SEMA6A: variants seen among roughly 807,000 people sequenced by gnomAD.
The protein encoded by SEMA6A is semaphorin-6A.
A neutral mutation model predicts 96.8 loss-of-function variants in SEMA6A; 25 were observed. That is an observed-to-expected ratio of 0.26 (90% CI 0.19 to 0.36). SEMA6A has a LOEUF of 0.36. Among genes scored for constraint, SEMA6A ranks in the 10% least tolerant of loss-of-function variants. The probability of loss-of-function intolerance (pLI) is 1.00; values close to 1 mark genes in which losing one functional copy is unlikely to be tolerated. For missense variants in SEMA6A, 1,363 were observed against 1,323.1 expected (o/e 1.03, Z -0.47); for synonymous variants, 612 against 518.0 (o/e 1.18, Z -2.46).
chr5:116,559,280 G>T (rs574612339), intron 1 of SEMA6A, among the ~76,000 whole-genome samples: 48 of 152,262 alleles, frequency 3.2e-4, no homozygotes, highest in Admixed American at 1.5e-3. Flanking sequence ...TGGAAGCTTG[G>T]GGGGATGAAT....
chr5:116,574,425 G>C lies in SEMA6A; in HGVS notation c.-279C>G, dbSNP rs1286579969. 6.6e-6 allele frequency: 1 copy of C among 151,082 alleles called. No individual in the cohort carries two copies. Among genetic ancestry groups the C allele is most frequent in the Non-Finnish European group, 1.5e-5 (1 of 67,724 alleles). 9.4% of individuals were successfully genotyped at this position (151,082 alleles called of 1,614,324 possible). A position where few individuals can be genotyped will look rare whatever the true frequency, so the allele number is the denominator to read the frequency against. The stretch of plus-strand genomic sequence containing the variant: ...CCAATGACGAGCGGAGAAGGGGAGA[G>C]GAAAAAAGAAGCCAAAAAAAAAAAG... On this transcript the variant is annotated 5_prime_UTR_variant, in exon 1 of 19. Coordinates refer to ENST00000343348, the MANE Select transcript of SEMA6A (RefSeq NM_020796.5).
intron 18 of SEMA6A, among the ~76,000 whole-genome samples, chr5:116,463,647 T>A (rs1329100794): frequency 1.3e-5 from 2 of 152,234 alleles, no homozygotes; most frequent in African/African-American, 4.8e-5. Flanking sequence ...AATGTGCATA[T>A]TTTCTGGACT....
At chr5:116,478,927 A>AGTGTGTGT (rs1312532391) in intron 12 of SEMA6A, among the ~76,000 whole-genome samples, 2 of 90,102 alleles carry the variant, frequency 2.2e-5, no homozygotes, top group South Asian at 3.4e-4. Flanking sequence ...GAGGTGTGAG[A>AGTGTGTGT]GAGTGTGTGT....
intron 1 of SEMA6A, among the ~76,000 whole-genome samples, chr5:116,539,244 A>G (rs1178656759): frequency 6.6e-6 from 1 of 152,118 alleles, no homozygotes; most frequent in Non-Finnish European, 1.5e-5. Context: ...CCTGCTTCCT[A>G]AAGTTGGAGG....
intron 17 of SEMA6A, among the ~76,000 whole-genome samples, chr5:116,469,998 G>C (rs1756015739): frequency 6.6e-6 from 1 of 152,098 alleles, no homozygotes; most frequent in Non-Finnish European, 1.5e-5. Context: ...CTGATTTACT[G>C]GAAAGAAAAA....
At chr5:116,520,640 T>C (rs1288615270) in intron 1 of SEMA6A, among the ~76,000 whole-genome samples, 1 of 152,154 alleles carries the variant, frequency 6.6e-6, no homozygotes, top group Non-Finnish European at 1.5e-5. Flanking sequence ...AAAGATGATT[T>C]CTGCTCAAAA....
chr5:116,527,203 CAAGTT>C (rs1267452443), intron 1 of SEMA6A, among the ~76,000 whole-genome samples: 2 of 151,942 alleles, frequency 1.3e-5, no homozygotes, highest in Non-Finnish European at 2.9e-5. Flanking sequence ...AATTCAAACA[CAAGTT>C]AATTCTTCAC....
intron 18 of SEMA6A, among the ~76,000 whole-genome samples, chr5:116,457,242 A>G (rs1755071322): frequency 6.6e-6 from 1 of 152,226 alleles, no homozygotes; most frequent in South Asian, 2.1e-4. Flanking sequence ...GATTGTGTCC[A>G]GTGCTATCTA....
At position 116,536,866 on chromosome 5, in the gene SEMA6A, TAAAAAAAA is replaced by T. The variant is rs72214884; in HGVS notation, c.-38-31892_-38-31885del. Reference sequence around the variant, plus strand: ...TTTATTCAGTCCCCGTGTGATTTCTTAAAAAAAAAAAAAAAAAAAAAAAAAAAAGCAAA... The same window carrying T: ...TTTATTCAGTCCCCGTGTGATTTCTTAAAAAAAAAAAAAAAAAAAAGCAAA... On this transcript the variant is annotated intron_variant, in intron 1 of 18. Coordinates refer to ENST00000343348, the MANE Select transcript of SEMA6A (RefSeq NM_020796.5). Among the ~76,000 whole-genome samples, 71 of 69,522 alleles carry T rather than the reference TAAAAAAAA, an allele frequency of 1.0e-3. 1 individual carries two copies. Among genetic ancestry groups the T allele is most frequent in the African/African-American group, 2.7e-3 (57 of 21,022 alleles). The allele number at this position is 69,522 out of a possible 152,430, so 45.6% of individuals were successfully genotyped here.
At chr5:116,573,680 C>T (rs2112931230) in intron 1 of SEMA6A, among the ~76,000 whole-genome samples, 1 of 152,250 alleles carries the variant, frequency 6.6e-6, no homozygotes, top group Middle Eastern at 3.4e-3. Flanking sequence ...CACACCGTCT[C>T]CGCGGAACCC....
chr5:116,555,192 G>T (rs189958886), intron 1 of SEMA6A, among the ~76,000 whole-genome samples: 495 of 152,310 alleles, frequency 3.2e-3, no homozygotes, highest in Non-Finnish European at 5.9e-3. Context: ...ATCAGGCTGT[G>T]CCCACCTGAG....
intron 1 of SEMA6A, among the ~76,000 whole-genome samples, chr5:116,530,067 A>G (rs1191843875): frequency 6.6e-6 from 1 of 152,186 alleles, no homozygotes; most frequent in Non-Finnish European, 1.5e-5. Flanking sequence ...CGATTTTATA[A>G]TCAACATTTC....
In SEMA6A at chr5:116,445,040, C is replaced by T. The variant is rs559825142; in HGVS notation, c.*1573G>A. On this transcript the variant is annotated 3_prime_UTR_variant, in exon 19 of 19. Transcript: ENST00000343348. ...CACAACAACACTGGGGTCCATGCTTCGCAGCACAGCCAAAGGGTGGTTCCA... is the reference window on the plus strand; with the variant it reads ...CACAACAACACTGGGGTCCATGCTTTGCAGCACAGCCAAAGGGTGGTTCCA... The T allele has an allele frequency of 6.5e-6, 1 of 152,820 alleles. No homozygotes were observed. The highest frequency in any genetic ancestry group is 2.1e-4 in the South Asian group (1 of 4,830). The allele number at this position is 152,820 out of a possible 1,614,324, so 9.5% of individuals were successfully genotyped here.
intron 18 of SEMA6A, among the ~76,000 whole-genome samples, chr5:116,460,780 T>A (rs904803269): frequency 9.0e-6 from 1 of 110,724 alleles, no homozygotes; most frequent in African/African-American, 3.4e-5. Context: ...AAATTGTTAA[T>A]CTCTTTTTTT....
In SEMA6A at chr5:116,564,768, C is replaced by G. The variant is rs190468392; in HGVS notation, c.-39+9417G>C. ...AATTGAAAAATGTTCATATACTATT[C>G]ACGAGTTGACAAAGCAGTAGACCTA... On this transcript the variant is annotated intron_variant, in intron 1 of 18. Transcript: ENST00000343348. Among the ~76,000 whole-genome samples, 3 of 152,236 alleles carry G rather than the reference C, an allele frequency of 2.0e-5. No individual in the cohort carries two copies. The East Asian group carries it at 5.8e-4, about 29-fold the overall frequency.
At chr5:116,509,395 A>G (rs1269599612) in intron 1 of SEMA6A, among the ~76,000 whole-genome samples, 1 of 152,232 alleles carries the variant, frequency 6.6e-6, no homozygotes, top group East Asian at 1.9e-4. Context: ...GAAGTTTTAA[A>G]GATAACCAAC....
At chr5:116,540,273 T>A (rs1759900400) in intron 1 of SEMA6A, among the ~76,000 whole-genome samples, 3 of 152,224 alleles carry the variant, frequency 2.0e-5, no homozygotes, top group Admixed American at 2.0e-4. Flanking sequence ...CAAATACCAC[T>A]TTAAAAGTAG....
Position 116,467,596 on chromosome 5 carries a change from G to C in SEMA6A, c.1881C>G (p.His627Gln), listed in dbSNP as rs756307134. 2.7e-5 allele frequency: 43 copies of C among 1,612,670 alleles called. No individual in the cohort carries two copies. In the South Asian group the frequency reaches 4.5e-4, roughly 17 times the overall value. ...CCAAGGCCTTACCCTTCTTGTCTTGGTGATTATGGGAAGACACTGCCCCCA... is the reference window on the plus strand; with the variant it reads ...CCAAGGCCTTACCCTTCTTGTCTTGCTGATTATGGGAAGACACTGCCCCCA... Reference protein sequence around the residue: ...DPLGAVSSHNHQDKKGVIRES... With the variant: ...DPLGAVSSHNQQDKKGVIRES... The change falls in exon 18 of 19, where the codon CAC (histidine) becomes CAG (glutamine). Residue 627 changes from histidine (H) to glutamine (Q), a missense_variant. Transcript: ENST00000343348.
At chr5:116,543,354 G>A (rs910886630) in intron 1 of SEMA6A, among the ~76,000 whole-genome samples, 2 of 152,266 alleles carry the variant, frequency 1.3e-5, no homozygotes, top group South Asian at 2.1e-4. Context: ...CTATGCTCAC[G>A]TTTTCACGTT....
Sources: allele counts gnomAD v4.1 joint callset (sites outside exome capture counted in the v4.1 genomes callset), GRCh38; gene constraint gnomAD v4.1.1; transcripts MANE v1.5; gene names NCBI Gene and HGNC (gene_info 2026-07-23, HGNC 2026-07-21).